The following ATAD5 variants were observed in gnomAD, a reference collection of about 807,000 sequenced individuals.
The protein encoded by ATAD5 is ATPase family AAA domain-containing protein 5.
In ATAD5, 58 loss-of-function variants were observed where a neutral mutation model predicts 176.9. That is an observed-to-expected ratio of 0.33 (90% confidence interval 0.27 to 0.41). The LOEUF is 0.41. Among genes scored for constraint, ATAD5 ranks in the 10% least tolerant of loss-of-function variants. The pLI, the probability that ATAD5 is intolerant of heterozygous loss-of-function variation, is 1.00. For missense variants in ATAD5, 1,789 were observed against 2,094.1 expected (o/e 0.85, Z 2.84); for synonymous variants, 640 against 712.6 (o/e 0.90, Z 1.62).
In ATAD5 at chr17:30,893,732, C is replaced by A. The variant is rs1445506472; in HGVS notation, c.4879C>A (p.Pro1627Thr). ...GNNPETKKSIPCPPKTTAGKK... is the reference protein window; with the variant it reads ...GNNPETKKSITCPPKTTAGKK... ...CAATCCAGAGACAAAGAAATCTATT[C>A]CTTGTCCTCCTAAAACAACTGCAGG... Residue 1627 changes from proline (P) to threonine (T), a missense_variant, in exon 21 of 23, where the codon CCT becomes ACT. Coordinates refer to ENST00000321990, the MANE Select transcript of ATAD5 (RefSeq NM_024857.5). The A allele has an allele frequency of 6.2e-7, 1 of 1,613,876 alleles. No homozygotes were observed. Among genetic ancestry groups the A allele is most frequent in the African/African-American group, 1.3e-5 (1 of 74,908 alleles).
At chr17:30,832,535 A>T in intron 1 of ATAD5, 122 bp downstream of exon 1, 1 of 950,718 alleles carries the variant, frequency 1.1e-6, no homozygotes, top group Non-Finnish European at 1.4e-6. Context: ...GTGAGGACCC[A>T]CAGCTGTGAC....
At position 30,894,223 on chromosome 17, in the gene ATAD5, T is replaced by C. The variant is rs535074573; in HGVS notation, c.5297+73T>C. ...AGGGGAAATCAATAGAGTTTTTTCTTAATTTAAAAATGCTGTACTATTGAT... is the reference window on the plus strand; with the variant it reads ...AGGGGAAATCAATAGAGTTTTTTCTCAATTTAAAAATGCTGTACTATTGAT... On this transcript the variant is annotated intron_variant, in intron 21 of 22. Transcript: ENST00000321990. The C allele has an allele frequency of 1.0e-5, 13 of 1,277,300 alleles. No homozygotes were observed. The South Asian group carries it at 2.1e-4, about 20-fold the overall frequency. 79.1% of individuals were successfully genotyped at this position (1,277,300 alleles called of 1,614,324 possible).
intron 18 of ATAD5, among the ~76,000 whole-genome samples, chr17:30,884,646 C>G (rs1486701521): frequency 6.6e-6 from 1 of 150,838 alleles, no homozygotes; most frequent in Non-Finnish European, 1.5e-5. Flanking sequence ...CCAGGCTTGT[C>G]TCGAACTCCT....
intron 6 of ATAD5, among the ~76,000 whole-genome samples, chr17:30,854,506 G>A (rs1399712464): frequency 1.3e-5 from 2 of 150,524 alleles, no homozygotes; most frequent in Non-Finnish European, 3.0e-5. Context: ...TGAGTAGGTG[G>A]GATTACAGGC....
In ATAD5 at chr17:30,844,857, A is replaced by C. The variant is rs1377129967; in HGVS notation, c.2391A>C (p.Leu797Phe). ...AAGGAAAAATGAAAGTCGCTCCTTTATTTCTTGTCAGAAAAGCACAAAAAG... is the reference window on the plus strand; with the variant it reads ...AAGGAAAAATGAAAGTCGCTCCTTTCTTTCTTGTCAGAAAAGCACAAAAAG... ...NVPGKMKVAPLFLVRKAQKAA... is the reference protein window; with the variant it reads ...NVPGKMKVAPFFLVRKAQKAA... Residue 797 changes from leucine (L) to phenylalanine (F), a missense_variant, in exon 6 of 23, where the codon TTA (leucine) becomes TTC (phenylalanine). By Grantham distance (22) the Leu-to-Phe change is conservative. Coordinates refer to ENST00000321990, the MANE Select transcript of ATAD5 (RefSeq NM_024857.5). 6.3e-7 allele frequency: 1 copy of C among 1,596,624 alleles called. No homozygotes were observed.
chr17:30,885,576 A>C (rs1186949472), intron 18 of ATAD5, among the ~76,000 whole-genome samples: 1 of 148,140 alleles, frequency 6.8e-6, no homozygotes, highest in Non-Finnish European at 1.5e-5. Flanking sequence ...TAGGCTTTTC[A>C]TACCTTCTTT....
chr17:30,836,802 A>G (rs1029097362), intron 2 of ATAD5, among the ~76,000 whole-genome samples: 3 of 151,744 alleles, frequency 2.0e-5, no homozygotes, highest in African/African-American at 7.3e-5. Flanking sequence ...TCCTGACCTC[A>G]AGTGATCTGC....
rs747553074 is a variant in ATAD5, at chr17:30,876,545, A to T, written c.3779A>T (p.Asn1260Ile). 1.9e-6 allele frequency: 3 copies of T among 1,548,332 alleles called. No homozygotes were observed. Among genetic ancestry groups the T allele is most frequent in the Non-Finnish European group, 2.6e-6 (3 of 1,133,966 alleles). Residue 1260 changes from asparagine (N) to isoleucine (I), a missense_variant, in exon 15 of 23, where the codon AAT becomes ATT. Asn to Ile is a moderately radical substitution (Grantham distance 149). This residue lies in a region of ATAD5 where 194 missense variants were observed against 270.1 expected (regional missense o/e 0.72). Transcript: ENST00000321990. ...GAAATAGGAATGCTTCTGGAAAATA[A>T]TAAAGGTAAGACATTAAATTGACAA... ...NEEIGMLLEN[N>I]KGIKNSFEQK...
At position 30,893,641 on chromosome 17, in the gene ATAD5, A is replaced by G; in HGVS notation, c.4788A>G (p.Ser1596=). 1.2e-6 allele frequency: 2 copies of G among 1,613,868 alleles called. No homozygotes were observed. The highest frequency in any genetic ancestry group is 1.1e-5 in the South Asian group (1 of 91,024). Residue 1596 remains serine (S), a synonymous_variant, in exon 21 of 23, where the codon TCA becomes TCG. Transcript: ENST00000321990. ...PDQSISLSSV[S]SSSNAEESKT... The stretch of plus-strand genomic sequence containing the variant: ...AATCTATTAGCCTGTCCTCTGTATC[A>G]TCTTCCTCAAATGCAGAAGAAAGCA...
intron 16 of ATAD5, 22 bp from the exon 17 acceptor site, chr17:30,877,981 T>G: frequency 2.0e-6 from 3 of 1,488,006 alleles, no homozygotes; most frequent in Non-Finnish European, 2.8e-6. Context: ...TATTAATATA[T>G]TAATATTCTA....
intron 6 of ATAD5, among the ~76,000 whole-genome samples, chr17:30,847,758 C>T (rs1244766421): frequency 1.6e-4 from 21 of 134,840 alleles, no homozygotes; most frequent in Admixed American, 1.6e-4. Context: ...CTCACTCTGT[C>T]GCCCAGGCTG....
Position 30,844,815 on chromosome 17 carries a change from C to T in ATAD5, c.2369-20C>T, listed in dbSNP as rs773057457. 5.4e-6 allele frequency: 8 copies of T among 1,478,950 alleles called. No homozygotes were observed. The South Asian group carries it at 8.5e-5, about 16-fold the overall frequency. 91.6% of individuals were successfully genotyped at this position (1,478,950 alleles called of 1,614,324 possible). On this transcript the variant is annotated intron_variant, in intron 5 of 22. Coordinates refer to ENST00000321990, the MANE Select transcript of ATAD5 (RefSeq NM_024857.5). ...GAGATGGTAAACATTGATACTAACC[C>T]AAGTATTTATTTTTCTAAGGAAAAA...
At chr17:30,879,133 T>C (rs1416783664) in intron 17 of ATAD5, among the ~76,000 whole-genome samples, 2 of 151,982 alleles carry the variant, frequency 1.3e-5, no homozygotes, top group African/African-American at 4.8e-5. Flanking sequence ...CTGGGAGTTT[T>C]GAGATCAGCC....
intron 18 of ATAD5, among the ~76,000 whole-genome samples, chr17:30,881,747 T>C (rs1236307578): frequency 3.3e-5 from 5 of 151,808 alleles, no homozygotes; most frequent in African/African-American, 9.7e-5. Flanking sequence ...ACCCTGTCTC[T>C]ACAAAAAATT....
intron 9 of ATAD5, among the ~76,000 whole-genome samples, chr17:30,860,196 G>T (rs1907542198): frequency 6.6e-6 from 1 of 152,032 alleles, no homozygotes; most frequent in African/African-American, 2.4e-5. Flanking sequence ...GCTGATTTTT[G>T]TATCTTTAGT....
chr17:30,844,808 A>T, intron 5 of ATAD5, 27 bp from the exon 6 acceptor site: 1 of 1,492,044 alleles, frequency 6.7e-7, no homozygotes. Context: ...AAACATTGAT[A>T]CTAACCCAAG....
intron 6 of ATAD5, among the ~76,000 whole-genome samples, chr17:30,854,868 C>T (rs999019736): frequency 2.0e-5 from 3 of 152,050 alleles, no homozygotes; most frequent in African/African-American, 4.8e-5. Context: ...AAGTGATTCT[C>T]GTGCCTCAGC....
In ATAD5 at chr17:30,894,618, T is replaced by G; in HGVS notation, c.5352T>G (p.Leu1784=). The G allele has an allele frequency of 6.2e-7, 1 of 1,613,458 alleles. No homozygotes were observed. The highest frequency in any genetic ancestry group is 8.5e-7 in the Non-Finnish European group (1 of 1,179,688). The change falls in exon 22 of 23, where the codon CTT becomes CTG. Residue 1784 remains leucine (L), a synonymous_variant. Transcript: ENST00000321990. ...VIKSVFSSRS[L]LYVGNRQASI... ...AAAGTGTATTTTCGAGTCGATCTCT[T>G]CTCTATGTGGGTAATAGACAAGCTA... is the stretch of plus-strand genomic sequence containing the variant.
Position 30,844,891 on chromosome 17 carries a change from C to G in ATAD5, c.2425C>G (p.Pro809Ala). 1 of 1,583,950 alleles carries G rather than the reference C, an allele frequency of 6.3e-7. No individual in the cohort carries two copies. Among genetic ancestry groups the G allele is most frequent in the East Asian group, 2.3e-5 (1 of 44,380 alleles). Residue 809 changes from proline to alanine, a missense_variant, in exon 6 of 23, where the codon CCT becomes GCT. Physicochemically the swap from Pro to Ala is conservative, Grantham distance 27. Around this residue, in one of 6 missense-constraint regions of ATAD5, gnomAD observed 487 missense variants for 573.6 expected, o/e 0.85. Transcript: ENST00000321990. ...LVRKAQKAADPVPSFDESSQD... is the reference protein window; with the variant it reads ...LVRKAQKAADAVPSFDESSQD... ...CAGAAAAGCACAAAAAGCAGCTGAT[C>G]CTGTCCCTAGTTTTGATGAAAGCAG...
Sources: allele counts gnomAD v4.1 joint callset (sites outside exome capture counted in the v4.1 genomes callset), GRCh38; gene constraint gnomAD v4.1.1; regional missense constraint gnomAD v4.1.1; transcripts MANE v1.5; gene names NCBI Gene and HGNC (gene_info 2026-07-23, HGNC 2026-07-21).